The following CSMD2 variants were observed in gnomAD, a reference collection of about 807,000 sequenced individuals.
The protein encoded by CSMD2 is CUB and Sushi multiple domains 2, also known as CUB and sushi domain-containing protein 2.
CSMD2 carries 130 observed loss-of-function variants against 398.5 expected under a neutral mutation model. That is an observed-to-expected ratio of 0.33 (90% CI 0.28 to 0.38). The LOEUF (loss-of-function observed/expected upper bound fraction) is 0.38. CSMD2 is among the 10% of genes least tolerant of loss of function. The pLI, the probability that CSMD2 is intolerant of heterozygous loss-of-function variation, is 1.00. For missense variants in CSMD2, 3,829 were observed against 4,764.9 expected (o/e 0.80, Z 5.78); for synonymous variants, 1,828 against 1,908.5 (o/e 0.96, Z 1.10).
At chr1:33,785,145 A>G (rs1653366233) in intron 12 of CSMD2, among the ~76,000 whole-genome samples, 1 of 152,218 alleles carries the variant, frequency 6.6e-6, no homozygotes, top group African/African-American at 2.4e-5. Flanking sequence ...TATGCTTTAT[A>G]CCACATCCAA....
intron 3 of CSMD2, among the ~76,000 whole-genome samples, chr1:33,968,322 C>T (rs1171625272): frequency 6.6e-6 from 1 of 152,182 alleles, no homozygotes; most frequent in Non-Finnish European, 1.5e-5. Flanking sequence ...GGCAGATGGC[C>T]CCCAAGGTGA....
Position 33,766,004 on chromosome 1 carries a change from A to C in CSMD2, c.1846+6565T>G, listed in dbSNP as rs371891387. Among the ~76,000 whole-genome samples the C allele has an allele frequency of 2.2e-4, 33 of 152,198 alleles. No individual in the cohort carries two copies. The East Asian group carries it at 5.4e-3, about 25-fold the overall frequency. On this transcript the variant is annotated intron_variant, in intron 13 of 70. Coordinates refer to ENST00000373381, the MANE Select transcript of CSMD2 (RefSeq NM_001281956.2). ...TGGCAATCTTGGCAGTCCTCCAGAC[A>C]CCTCTTTTATACCTCTTACCCCAAC... is the stretch of plus-strand genomic sequence containing the variant.
chr1:33,725,144 T>C (rs1646486518), intron 17 of CSMD2, among the ~76,000 whole-genome samples: 1 of 152,050 alleles, frequency 6.6e-6, no homozygotes, highest in Admixed American at 6.5e-5. Context: ...AGCGTGAAGG[T>C]TGTGAACAAC....
At chr1:33,875,207 A>C (rs944489712) in intron 5 of CSMD2, among the ~76,000 whole-genome samples, 1 of 152,216 alleles carries the variant, frequency 6.6e-6, no homozygotes, top group Non-Finnish European at 1.5e-5. Flanking sequence ...TGAGGTCTGC[A>C]GTGTGAAGAT....
chr1:33,700,296 T>G (rs1432639136), intron 23 of CSMD2, among the ~76,000 whole-genome samples: 2 of 152,226 alleles, frequency 1.3e-5, no homozygotes, highest in Non-Finnish European at 2.9e-5. Flanking sequence ...CATGAACCAC[T>G]GTGCCCGGCC....
In CSMD2 at chr1:33,819,753, G is replaced by A. The variant is rs199726107; in HGVS notation, c.1284C>T (p.Asp428=). ...SKRITCMKVS[D]MFAAWSDHRP... ...TGTGGTCGCTCCAGGCCGCAAACAT[G>A]TCGCTCACTTTCATACAGGTGATCC... The change falls in exon 9 of 71, where the codon GAC becomes GAT. Residue 428 remains aspartate, a synonymous_variant. Transcript: ENST00000373381. 4.3e-6 allele frequency: 7 copies of A among 1,614,028 alleles called. No individual in the cohort carries two copies. In the African/African-American group the frequency reaches 9.3e-5, roughly 22 times the overall value.
chr1:33,998,049 G>A (rs190977371), intron 3 of CSMD2, among the ~76,000 whole-genome samples: 396 of 152,244 alleles, frequency 2.6e-3, no homozygotes, highest in African/African-American at 8.9e-3. Context: ...GTATTGAGAG[G>A]TGTGGCCTTC....
intron 43 of CSMD2, 127 bp downstream of exon 43, chr1:33,602,242 G>C (rs578006292): frequency 1.1e-6 from 1 of 951,902 alleles, no homozygotes; most frequent in Non-Finnish European, 1.6e-6. Flanking sequence ...AACCCAGGAG[G>C]CTGACAGCCT....
intron 41 of CSMD2, 40 bp from the exon 42 acceptor site, chr1:33,605,510 G>T: frequency 1.9e-6 from 3 of 1,600,526 alleles, no homozygotes; most frequent in South Asian, 2.2e-5. Context: ...TATTCTCTCT[G>T]ACCAGAAAAT....
At chr1:33,908,259 T>TGAAACA (rs1643237153) in intron 5 of CSMD2, among the ~76,000 whole-genome samples, 1 of 152,172 alleles carries the variant, frequency 6.6e-6, no homozygotes, top group Non-Finnish European at 1.5e-5. Flanking sequence ...GGAACAAACA[T>TGAAACA]TCATGGCCAA....
At chr1:33,699,715 C>T (rs1343011432) in intron 23 of CSMD2, among the ~76,000 whole-genome samples, 1 of 152,236 alleles carries the variant, frequency 6.6e-6, no homozygotes, top group Admixed American at 6.5e-5. Flanking sequence ...ACCATACATT[C>T]TCCCACCTAA....
rs772636107 is a variant in CSMD2, at chr1:33,772,736, C to T, written c.1679G>A (p.Ser560Asn). The T allele has an allele frequency of 6.2e-7, 1 of 1,611,436 alleles. No homozygotes were observed. The highest frequency in any genetic ancestry group is 8.5e-7 in the Non-Finnish European group (1 of 1,177,810). ...KASYEEIEQG[S>N]CGDPGIPAYG... ...TGCAGGTATGCCAGGGTCACCGCAA[C>T]TGCCCTGCTCGATCTCTGAAAGACA... is the stretch of plus-strand genomic sequence containing the variant. Residue 560 changes from serine to asparagine, a missense_variant, in exon 13 of 71, where the codon AGT becomes AAT. Transcript: ENST00000373381.
At chr1:33,771,851 T>A (rs568010194) in intron 13 of CSMD2, among the ~76,000 whole-genome samples, 298 of 152,346 alleles carry the variant, frequency 2.0e-3, no homozygotes, top group African/African-American at 6.7e-3. Context: ...CTGGAAATTT[T>A]GATTTCCCAC....
chr1:34,052,739 A>T (rs879017177), intron 2 of CSMD2, among the ~76,000 whole-genome samples: 1 of 152,194 alleles, frequency 6.6e-6, no homozygotes, highest in African/African-American at 2.4e-5. Context: ...TCCCTGGCTC[A>T]GTGCCTGGTA....
chr1:33,795,466 T>C (rs1654843358), intron 10 of CSMD2, among the ~76,000 whole-genome samples: 1 of 152,176 alleles, frequency 6.6e-6, no homozygotes, highest in Non-Finnish European at 1.5e-5. Context: ...CTGCACCTGC[T>C]CCCTGCTGAC....
intron 1 of CSMD2, among the ~76,000 whole-genome samples, chr1:34,142,711 G>A (rs913638123): frequency 6.6e-6 from 1 of 152,168 alleles, no homozygotes; most frequent in Non-Finnish European, 1.5e-5. Context: ...GTGACTTTTT[G>A]TGACATTACT....
intron 5 of CSMD2, among the ~76,000 whole-genome samples, chr1:33,910,819 T>G (rs1332611260): frequency 2.0e-5 from 3 of 152,220 alleles, no homozygotes; most frequent in Admixed American, 6.5e-5. Context: ...AAACATTATT[T>G]GCATACCTTG....
At chr1:33,602,221 T>C in intron 43 of CSMD2, 148 bp downstream of exon 43, 1 of 795,726 alleles carries the variant, frequency 1.3e-6, no homozygotes, top group Non-Finnish European at 2.0e-6. Flanking sequence ...CATTCCACTA[T>C]GTTTATTTGA....
In CSMD2 at chr1:34,038,553, ACTC is replaced by A. The variant is rs139559239; in HGVS notation, c.405-5850_405-5848del. Among the ~76,000 whole-genome samples the A allele has an allele frequency of 6.4e-3, 980 of 152,066 alleles. 13 individuals are homozygous for A. The highest frequency in any genetic ancestry group is 0.048 in the East Asian group (249 of 5,162). On this transcript the variant is annotated intron_variant, in intron 2 of 70. Coordinates refer to ENST00000373381, the MANE Select transcript of CSMD2 (RefSeq NM_001281956.2). ...AAATGGGACGGCCAGGACACCATATACTCCTCATTTCTCAGCTCAGAATCTACC... is the reference window on the plus strand; with the variant it reads ...AAATGGGACGGCCAGGACACCATATACTCATTTCTCAGCTCAGAATCTACC...
Sources: allele counts gnomAD v4.1 joint callset (sites outside exome capture counted in the v4.1 genomes callset), GRCh38; gene constraint gnomAD v4.1.1; transcripts MANE v1.5; gene names NCBI Gene and HGNC (gene_info 2026-07-23, HGNC 2026-07-21).